PACRG: variants seen among roughly 807,000 people sequenced by gnomAD.
The protein encoded by PACRG is parkin coregulated gene protein.
PACRG carries 29 observed loss-of-function variants against 29.7 expected under a neutral mutation model. That is an observed-to-expected ratio of 0.98 (90% CI 0.73 to 1.33). The LOEUF (loss-of-function observed/expected upper bound fraction) is 1.33, where lower values mean the gene tolerates loss of function less well. PACRG is among the 40% of genes most tolerant of loss of function. PACRG has a pLI of 0.00. For synonymous variants in PACRG, 116 were observed against 118.7 expected (o/e 0.98, Z 0.15); for missense variants, 279 against 316.2 (o/e 0.88, Z 0.89).
At chr6:162,805,186 C>T (rs116876690) in intron 1 of PACRG, among the ~76,000 whole-genome samples, 2,595 of 152,200 alleles carry the variant, frequency 0.017, 40 homozygotes, top group Non-Finnish European at 0.028. Flanking sequence ...ATATAAAGGG[C>T]GACCTTGGAG....
intron 4 of PACRG, among the ~76,000 whole-genome samples, chr6:163,153,859 G>A (rs13195963): frequency 0.15 from 22,271 of 152,094 alleles, 1,697 homozygotes; most frequent in East Asian, 0.31. Context: ...GCATGAGTCC[G>A]TCTCCCTCAA....
intron 2 of PACRG, among the ~76,000 whole-genome samples, chr6:162,925,999 A>G (rs772970999): frequency 5.9e-5 from 9 of 152,122 alleles, no homozygotes; most frequent in Non-Finnish European, 1.0e-4. Context: ...AAGAATTTCT[A>G]TACACCAACA....
intron 4 of PACRG, among the ~76,000 whole-genome samples, chr6:163,235,661 T>C (rs1202492966): frequency 6.6e-6 from 1 of 152,206 alleles, no homozygotes; most frequent in Non-Finnish European, 1.5e-5. Context: ...TCAGAAATAT[T>C]GTCCACTTCC....
chr6:163,022,529 G>A (rs73783971), intron 2 of PACRG, among the ~76,000 whole-genome samples: 54 of 152,100 alleles, frequency 3.6e-4, no homozygotes, highest in Non-Finnish European at 5.0e-4. Context: ...GAGTTCTGAC[G>A]AGGAGCAGCT....
chr6:163,271,436 A>AT (rs1349676695), intron 4 of PACRG, among the ~76,000 whole-genome samples: 1 of 152,188 alleles, frequency 6.6e-6, no homozygotes, highest in Non-Finnish European at 1.5e-5. Flanking sequence ...GCTTCTGGAA[A>AT]TTGAGCCATA....
At chr6:163,172,029 G>T (rs1011835673) in intron 4 of PACRG, among the ~76,000 whole-genome samples, 1 of 152,160 alleles carries the variant, frequency 6.6e-6, no homozygotes, top group Non-Finnish European at 1.5e-5. Context: ...GTCTACCTGG[G>T]GTCTGGCCCC....
chr6:163,029,707 C>A (rs73783984), intron 2 of PACRG, among the ~76,000 whole-genome samples: 1 of 152,080 alleles, frequency 6.6e-6, no homozygotes, highest in African/African-American at 2.4e-5. Context: ...GGAGCCCCTG[C>A]AACCATTCTG....
At chr6:163,032,009 G>A (rs1241641620) in intron 2 of PACRG, among the ~76,000 whole-genome samples, 1 of 152,158 alleles carries the variant, frequency 6.6e-6, no homozygotes, top group African/African-American at 2.4e-5. Context: ...GTGTCATGTT[G>A]CAAAGAAAAC....
At chr6:163,027,692 G>A (rs1025276263) in intron 2 of PACRG, among the ~76,000 whole-genome samples, 80 of 152,242 alleles carry the variant, frequency 5.3e-4, no homozygotes, top group African/African-American at 1.9e-3. Context: ...CGTCAGGTTC[G>A]GCAGAGAGCA....
At chr6:162,834,229 CAG>C (rs2128398440) in intron 2 of PACRG, among the ~76,000 whole-genome samples, 1 of 151,236 alleles carries the variant, frequency 6.6e-6, no homozygotes, top group East Asian at 1.9e-4. Flanking sequence ...TTAGCAGCCA[CAG>C]AGAGTTAAGT....
At chr6:163,245,377 C>T (rs1782653449) in intron 4 of PACRG, among the ~76,000 whole-genome samples, 1 of 152,154 alleles carries the variant, frequency 6.6e-6, no homozygotes, top group South Asian at 2.1e-4. Context: ...TAATTTAGCA[C>T]ATTATCAGAC....
chr6:162,741,729 T>G (rs1328932138), intron 1 of PACRG, among the ~76,000 whole-genome samples: 2 of 152,210 alleles, frequency 1.3e-5, no homozygotes, highest in Admixed American at 1.3e-4. Flanking sequence ...CTGTCAAGAC[T>G]GGAAGAAGGA....
chr6:163,176,853 A>G (rs1311281492), intron 4 of PACRG, among the ~76,000 whole-genome samples: 1 of 152,212 alleles, frequency 6.6e-6, no homozygotes, highest in African/African-American at 2.4e-5. Flanking sequence ...GGCTGGAGAG[A>G]GGGAAAGTCA....
intron 2 of PACRG, among the ~76,000 whole-genome samples, chr6:162,967,626 C>G (rs1160350276): frequency 6.6e-6 from 1 of 151,890 alleles, no homozygotes; most frequent in Non-Finnish European, 1.5e-5. Context: ...CCTGCCTCAG[C>G]CTCCCAAGTA....
chr6:163,126,390 C>G (rs1040473018), intron 4 of PACRG, among the ~76,000 whole-genome samples: 1 of 152,172 alleles, frequency 6.6e-6, no homozygotes, highest in Non-Finnish European at 1.5e-5. Flanking sequence ...CTAGATGAGC[C>G]TTCCCACTTC....
intron 4 of PACRG, among the ~76,000 whole-genome samples, chr6:163,288,201 G>A (rs1394878268): frequency 6.6e-6 from 1 of 152,210 alleles, no homozygotes; most frequent in Non-Finnish European, 1.5e-5. Context: ...TTGAAGTGGG[G>A]CTGGCGTCTG....
At chr6:162,789,294 A>G (rs1784755110) in intron 1 of PACRG, among the ~76,000 whole-genome samples, 1 of 152,166 alleles carries the variant, frequency 6.6e-6, no homozygotes, top group Admixed American at 6.5e-5. Context: ...TGCTATAATC[A>G]TTTTTAATAA....
intron 4 of PACRG, among the ~76,000 whole-genome samples, chr6:163,273,115 G>A (rs866653785): frequency 1.4e-5 from 2 of 146,086 alleles, no homozygotes; most frequent in African/African-American, 5.5e-5. Context: ...GGATGGTCTC[G>A]ATCTCCTGAC....
At chr6:162,844,432 C>T (rs1165332994) in intron 2 of PACRG, among the ~76,000 whole-genome samples, 1 of 152,252 alleles carries the variant, frequency 6.6e-6, no homozygotes, top group East Asian at 1.9e-4. Context: ...CCAAGTGAGG[C>T]AATGCCTCGC....
Sources: gnomAD v4.1 joint callset for allele counts (sites outside exome capture counted in the v4.1 genomes callset) on GRCh38, gnomAD v4.1.1 for gene constraint, MANE v1.5 for transcripts, NCBI Gene and HGNC (gene_info 2026-07-23, HGNC 2026-07-21) for gene names.